Variants in SBF2 observed in about 807,000 individuals in gnomAD.
The protein encoded by SBF2 is myotubularin-related protein 13.
Under a neutral mutation model 225.2 loss-of-function variants are expected in SBF2, and 112 were observed. That is an observed-to-expected ratio of 0.50 (90% CI 0.43 to 0.58). The LOEUF (loss-of-function observed/expected upper bound fraction) is 0.58. Among genes scored for constraint, SBF2 ranks in the 20% least tolerant of loss-of-function variants. SBF2 has a pLI of 0.00. For synonymous variants in SBF2, 763 were observed against 773.3 expected (o/e 0.99, Z 0.22); for missense variants, 1,996 against 2,206.2 (o/e 0.90, Z 1.91).
intron 16 of SBF2, among the ~76,000 whole-genome samples, chr11:9,933,320 C>T (rs912804395): frequency 3.3e-5 from 5 of 152,158 alleles, no homozygotes; most frequent in Non-Finnish European, 5.9e-5. Flanking sequence ...TAATGGACAT[C>T]TACAGAACTC....
chr11:10,198,542 A>T (rs1190136248), intron 1 of SBF2, among the ~76,000 whole-genome samples: 1 of 152,228 alleles, frequency 6.6e-6, no homozygotes, highest in African/African-American at 2.4e-5. Context: ...TAAATGAGAA[A>T]CAGCTTTAAT....
chr11:10,032,379 T>C (rs965550747), intron 3 of SBF2, among the ~76,000 whole-genome samples: 2 of 152,146 alleles, frequency 1.3e-5, no homozygotes, highest in Non-Finnish European at 2.9e-5. Context: ...CCTCCCTTCA[T>C]CTCCTTTATT....
chr11:10,159,384 C>T (rs939990084), intron 2 of SBF2, among the ~76,000 whole-genome samples: 1 of 152,174 alleles, frequency 6.6e-6, no homozygotes, highest in South Asian at 2.1e-4. Flanking sequence ...AAGATTCTGA[C>T]CCTCCCTGAA....
chr11:9,958,987 T>C, intron 16 of SBF2: 1 of 855,502 alleles, frequency 1.2e-6, no homozygotes, highest in Non-Finnish European at 1.9e-6. Context: ...GCTTAGTTTC[T>C]TGATGGCCTC....
At chr11:10,005,491 C>G (rs1323924939) in intron 6 of SBF2, among the ~76,000 whole-genome samples, 1 of 152,124 alleles carries the variant, frequency 6.6e-6, no homozygotes, top group Admixed American at 6.5e-5. Context: ...TGGCCCTCTT[C>G]CAAGTGTACT....
At chr11:10,097,480 C>A (rs952641237) in intron 2 of SBF2, among the ~76,000 whole-genome samples, 1 of 152,016 alleles carries the variant, frequency 6.6e-6, no homozygotes, top group Admixed American at 6.5e-5. Flanking sequence ...CAGGCAGAGA[C>A]CACGAAACAA....
At chr11:9,800,720 A>ATTATG (rs1387529897) in intron 32 of SBF2, among the ~76,000 whole-genome samples, 10 of 150,804 alleles carry the variant, frequency 6.6e-5, no homozygotes, top group African/African-American at 2.4e-4. Context: ...AAAAGTATTT[A>ATTATG]TTATGTTTTT....
rs374460360 is a variant in SBF2, at chr11:9,841,633, A to C, written c.3256+992T>G. ...CTGCAACCTTCTCCTCCCAAGTTCA[A>C]GCAATTCTCATGCCTCAGCCTCCTG... On this transcript the variant is annotated intron_variant, in intron 25 of 39. Coordinates refer to ENST00000256190, the MANE Select transcript of SBF2 (RefSeq NM_030962.4). 8.6e-5 allele frequency among the ~76,000 whole-genome samples: 13 copies of C among 151,974 alleles called. No individual in the cohort carries two copies. In the East Asian group the frequency reaches 2.1e-3, roughly 25 times the overall value.
At chr11:10,019,177 G>GA (rs917702798) in intron 6 of SBF2, among the ~76,000 whole-genome samples, 22 of 151,788 alleles carry the variant, frequency 1.4e-4, no homozygotes, top group Admixed American at 5.2e-4. Context: ...AACATTTTGT[G>GA]AAAAAAAACA....
intron 2 of SBF2, among the ~76,000 whole-genome samples, chr11:10,122,310 A>T (rs1333022257): frequency 1.3e-5 from 2 of 152,322 alleles, no homozygotes; most frequent in South Asian, 4.1e-4. Flanking sequence ...GGAAGACAGG[A>T]ATAAAAATGT....
chr11:9,967,841 G>A (rs1867026736), intron 14 of SBF2, among the ~76,000 whole-genome samples: 1 of 150,466 alleles, frequency 6.6e-6, no homozygotes, highest in Non-Finnish European at 1.5e-5. Flanking sequence ...CTTGAACCCA[G>A]GAGGCAGAAG....
chr11:10,166,112 G>A (rs569913573), intron 2 of SBF2, among the ~76,000 whole-genome samples: 1 of 152,246 alleles, frequency 6.6e-6, no homozygotes, highest in South Asian at 2.1e-4. Flanking sequence ...CCAATACCTT[G>A]ACTAGCACAT....
rs114141820 is a variant in SBF2, at chr11:10,168,665, A to G, written c.141+25237T>C. Among the ~76,000 whole-genome samples, 904 of 152,356 alleles carry G rather than the reference A, an allele frequency of 5.9e-3. 14 individuals carry two copies. The highest frequency in any genetic ancestry group is 0.02 in the African/African-American group (820 of 41,578). On this transcript the variant is annotated intron_variant, in intron 2 of 39. Transcript: ENST00000256190. ...CAGTCTAAAAGAATCTGTAGTTAAT[A>G]GAATGAGTGGAAGATATTATTTATG...
chr11:9,782,924 AATAAGCCTTATTGGGCC>A (rs1256353141), intron 38 of SBF2: 2 of 152,114 alleles, frequency 1.3e-5, no homozygotes, highest in Non-Finnish European at 2.9e-5. Flanking sequence ...ACTGCTAGGG[AATAAGCCTTATTGGGCC>A]ATAATCTGTG....
intron 13 of SBF2, among the ~76,000 whole-genome samples, chr11:9,970,044 G>A (rs1867224239): frequency 6.6e-6 from 1 of 152,084 alleles, no homozygotes; most frequent in Non-Finnish European, 1.5e-5. Flanking sequence ...AAACACTCCA[G>A]GTAGAATGGA....
chr11:10,300,668 T>C (rs1264948788), intron 1 of SBF2, among the ~76,000 whole-genome samples: 1 of 152,096 alleles, frequency 6.6e-6, no homozygotes, highest in Non-Finnish European at 1.5e-5. Flanking sequence ...AATGGCCTAA[T>C]CATCTCTTTT....
intron 17 of SBF2, among the ~76,000 whole-genome samples, chr11:9,884,078 A>T (rs1027953230): frequency 6.6e-6 from 1 of 152,148 alleles, no homozygotes; most frequent in African/African-American, 2.4e-5. Context: ...TTTTGTTTTC[A>T]ACTACCCTTT....
chr11:10,058,919 T>C (rs1950341819), intron 2 of SBF2, among the ~76,000 whole-genome samples: 2 of 152,150 alleles, frequency 1.3e-5, no homozygotes, highest in Non-Finnish European at 2.9e-5. Context: ...AAGCTTCCTA[T>C]ATGATGGAGA....
At chr11:9,892,387 T>C (rs959189839) in intron 17 of SBF2, among the ~76,000 whole-genome samples, 3 of 152,000 alleles carry the variant, frequency 2.0e-5, no homozygotes, top group Non-Finnish European at 4.4e-5. Context: ...AAAATTTTTA[T>C]CTGCATGTGC....
Sources: allele counts gnomAD v4.1 joint callset (sites outside exome capture counted in the v4.1 genomes callset), GRCh38; gene constraint gnomAD v4.1.1; transcripts MANE v1.5; gene names NCBI Gene and HGNC (gene_info 2026-07-23, HGNC 2026-07-21).